Variants in ZNF727 observed in about 807,000 individuals in gnomAD.
ZNF727 encodes zinc finger protein 727.
ZNF727 carries 11 observed loss-of-function variants against 11.5 expected under a neutral mutation model. The observed-to-expected ratio is 0.95, with a 90% CI of 0.60 to 1.58. The LOEUF (loss-of-function observed/expected upper bound fraction) is 1.58. ZNF727 is among the 40% of genes most tolerant of loss of function. The probability of loss-of-function intolerance (pLI) is 0.00; values close to 1 mark genes in which losing one functional copy is unlikely to be tolerated. For synonymous variants in ZNF727, 171 were observed against 196.1 expected, an observed-to-expected ratio of 0.87 and a Z score of 1.07; for missense variants, 533 against 581.7, an observed-to-expected ratio of 0.92 and a Z score of 0.86.
chr7:64,058,119 A>T (rs1027486011), intron 1 of ZNF727, among the ~76,000 whole-genome samples: 1 of 152,190 alleles, frequency 6.6e-6, no homozygotes, highest in African/African-American at 2.4e-5. Flanking sequence ...AGCCAAGGAC[A>T]TGTGCGTGCC....
At chr7:64,070,449 CAT>C (rs34424788) in intron 3 of ZNF727, among the ~76,000 whole-genome samples, 98,371 of 151,402 alleles carry the variant, frequency 0.65, 32,306 homozygotes, top group Admixed American at 0.72. Flanking sequence ...TGTATATAAA[CAT>C]GTGTATATAT....
rs188365278 is a variant in ZNF727, at chr7:64,067,199, G to T, written c.4-1692G>T. 3.3e-4 allele frequency among the ~76,000 whole-genome samples: 50 copies of T among 152,202 alleles called. 1 individual carries two copies. Among genetic ancestry groups the T allele is most frequent in the African/African-American group, 1.2e-3 (49 of 41,546 alleles). On this transcript the variant is annotated intron_variant, in intron 1 of 3. Coordinates refer to ENST00000456806, the MANE Select transcript of ZNF727 (RefSeq NM_001159522.3). ...TGTAAATCAAAACCACAATGAGATA[G>T]TATCTCATGTCAGTTAGAATGGTGA...
Position 64,080,913 on chromosome 7 carries a change from G to T in ZNF727, c.*2364G>T, listed in dbSNP as rs1785776552. 6.6e-6 allele frequency among the ~76,000 whole-genome samples: 1 copy of T among 151,002 alleles called. No homozygotes were observed. Among genetic ancestry groups the T allele is most frequent in the Non-Finnish European group, 1.5e-5 (1 of 67,854 alleles). ...TTTTGTTTTTTTTTTTGTGGTGGTG[G>T]AGGGGGCAATGCTCAGCTCACAACT... is the stretch of plus-strand genomic sequence containing the variant. On this transcript the variant is annotated 3_prime_UTR_variant, in exon 4 of 4. Coordinates refer to ENST00000456806, the MANE Select transcript of ZNF727 (RefSeq NM_001159522.3).
rs1478162649 is a variant in ZNF727, at chr7:64,080,768, C to T, written c.*2219C>T. Among the ~76,000 whole-genome samples, 1 of 152,008 alleles carries T rather than the reference C, an allele frequency of 6.6e-6. No individual in the cohort carries two copies. The highest frequency in any genetic ancestry group is 1.5e-5 in the Non-Finnish European group (1 of 68,018). On this transcript the variant is annotated 3_prime_UTR_variant, in exon 4 of 4. Coordinates refer to ENST00000456806, the MANE Select transcript of ZNF727 (RefSeq NM_001159522.3). ...TGGGCGTATCTTTAAAGTTGCTGAA[C>T]TTTGAATGGGGTTTGGTTTTTTGGA...
At chr7:64,054,673 A>ATTGCACAGGATTGTCTGTTT (rs1411346193) in intron 1 of ZNF727, among the ~76,000 whole-genome samples, 1 of 152,176 alleles carries the variant, frequency 6.6e-6, no homozygotes, top group Non-Finnish European at 1.5e-5. Context: ...TTCTAATTTG[A>ATTGCACAGGATTGTCTGTTT]TTGCACAGGA....
intron 1 of ZNF727, among the ~76,000 whole-genome samples, chr7:64,066,049 T>A (rs1420911253): frequency 6.6e-6 from 1 of 152,166 alleles, no homozygotes; most frequent in Non-Finnish European, 1.5e-5. Context: ...AATGCACATT[T>A]AATGAGAATG....
chr7:64,047,441 C>T (rs1244834190), intron 1 of ZNF727, among the ~76,000 whole-genome samples: 3 of 152,226 alleles, frequency 2.0e-5, no homozygotes, highest in Non-Finnish European at 2.9e-5. Flanking sequence ...CATCTCCTCT[C>T]ATCTTCTCTA....
chr7:64,085,130 T>G lies in ZNF727; in HGVS notation c.*6581T>G, dbSNP rs1353186627. On this transcript the variant is annotated 3_prime_UTR_variant, in exon 4 of 4. Coordinates refer to ENST00000456806, the MANE Select transcript of ZNF727 (RefSeq NM_001159522.3). ...TTATTTGTACTATCCCCTCAGAGAT[T>G]ATGAAAGTGACTGATAAAATTTAAT... Among the ~76,000 whole-genome samples, 1 of 152,178 alleles carries G rather than the reference T, an allele frequency of 6.6e-6. No individual in the cohort carries two copies. Among genetic ancestry groups the G allele is most frequent in the Non-Finnish European group, 1.5e-5 (1 of 68,014 alleles).
In ZNF727 at chr7:64,083,457, A is replaced by G. The variant is rs1190907144; in HGVS notation, c.*4908A>G. Reference sequence around the variant, plus strand: ...GCCCCCTGGATTTCGCCTCTTGCCTATGGGTATGTACAAGGTTATAACCTC... The same window carrying G: ...GCCCCCTGGATTTCGCCTCTTGCCTGTGGGTATGTACAAGGTTATAACCTC... On this transcript the variant is annotated 3_prime_UTR_variant, in exon 4 of 4. Transcript: ENST00000456806. Among the ~76,000 whole-genome samples the G allele has an allele frequency of 3.3e-5, 5 of 152,112 alleles. No individual in the cohort carries two copies. Among genetic ancestry groups the G allele is most frequent in the East Asian group, 1.9e-4 (1 of 5,184 alleles).
intron 1 of ZNF727, among the ~76,000 whole-genome samples, chr7:64,055,090 T>G (rs981331432): frequency 2.0e-5 from 3 of 152,172 alleles, no homozygotes; most frequent in Non-Finnish European, 4.4e-5. Flanking sequence ...TTGTAAAATA[T>G]GCATAACATA....
chr7:64,050,154 A>T (rs1376022661), intron 1 of ZNF727, among the ~76,000 whole-genome samples: 1 of 152,096 alleles, frequency 6.6e-6, no homozygotes, highest in Admixed American at 6.5e-5. Flanking sequence ...CAAAAGATTT[A>T]CTCAATTCAC....
At chr7:64,059,460 C>T (rs1050255342) in intron 1 of ZNF727, among the ~76,000 whole-genome samples, 1 of 152,202 alleles carries the variant, frequency 6.6e-6, no homozygotes, top group Non-Finnish European at 1.5e-5. Flanking sequence ...ATGAAGCACT[C>T]ATCTCATTTC....
At chr7:64,072,756 C>G (rs1789981991) in intron 3 of ZNF727, among the ~76,000 whole-genome samples, 1 of 152,072 alleles carries the variant, frequency 6.6e-6, no homozygotes, top group Middle Eastern at 3.2e-3. Context: ...TAGCTAAGAC[C>G]AAGCATTTTC....
chr7:64,069,859 TG>T (rs1407721751), intron 3 of ZNF727, among the ~76,000 whole-genome samples: 2 of 152,118 alleles, frequency 1.3e-5, no homozygotes, highest in African/African-American at 4.8e-5. Context: ...TTGTTTTTTG[TG>T]GGTTTTTTGA....
chr7:64,060,806 CTT>C (rs1789758259), intron 1 of ZNF727, among the ~76,000 whole-genome samples: 1 of 151,292 alleles, frequency 6.6e-6, no homozygotes, highest in Admixed American at 6.6e-5. Flanking sequence ...TTTTTTTAAA[CTT>C]TTTTTGATGT....
chr7:64,053,000 G>A (rs907159070), intron 1 of ZNF727, among the ~76,000 whole-genome samples: 2 of 152,146 alleles, frequency 1.3e-5, no homozygotes, highest in East Asian at 1.9e-4. Context: ...TTACAGGCTC[G>A]TAGGCAGAAG....
Position 64,045,605 on chromosome 7 carries a change from C to T in ZNF727, c.-17C>T, listed in dbSNP as rs1331794905. 1.9e-6 allele frequency: 3 copies of T among 1,556,840 alleles called. No homozygotes were observed. The Admixed American group carries it at 5.8e-5, about 30-fold the overall frequency. ...GAGATCCATAGGGAAGAAGGCGGAACATCCGGAGGCTGGGAAATGGTGAGT... is the reference window on the plus strand; with the variant it reads ...GAGATCCATAGGGAAGAAGGCGGAATATCCGGAGGCTGGGAAATGGTGAGT... On this transcript the variant is annotated 5_prime_UTR_variant, in exon 1 of 4. Coordinates refer to ENST00000456806, the MANE Select transcript of ZNF727 (RefSeq NM_001159522.3).
intron 3 of ZNF727, among the ~76,000 whole-genome samples, chr7:64,074,504 T>C (rs2116323399): frequency 6.6e-6 from 1 of 152,272 alleles, no homozygotes; most frequent in East Asian, 1.9e-4. Flanking sequence ...AAAATCTGTT[T>C]GTGCCTTATG....
At chr7:64,071,792 T>G (rs984673473) in intron 3 of ZNF727, among the ~76,000 whole-genome samples, 1 of 152,110 alleles carries the variant, frequency 6.6e-6, no homozygotes, top group Non-Finnish European at 1.5e-5. Context: ...AATTTTATTC[T>G]TTTACTTCTG....
Sources: allele counts gnomAD v4.1 joint callset (sites outside exome capture counted in the v4.1 genomes callset), GRCh38; gene constraint gnomAD v4.1.1; transcripts MANE v1.5; gene names NCBI Gene and HGNC (gene_info 2026-07-23, HGNC 2026-07-21).